The following TECTA variants were observed in gnomAD, a reference collection of about 807,000 sequenced individuals.
TECTA encodes alpha-tectorin.
TECTA carries 128 observed loss-of-function variants against 216.8 expected under a neutral mutation model. The observed-to-expected ratio is 0.59, with a 90% CI of 0.51 to 0.68. TECTA has a LOEUF of 0.68. TECTA is among the 30% of genes least tolerant of loss of function. The pLI is 0.00. For missense variants in TECTA, 2,551 were observed against 2,786.2 expected, an observed-to-expected ratio of 0.92 and a Z score of 1.90; for synonymous variants, 1,089 against 1,117.1, an observed-to-expected ratio of 0.97 and a Z score of 0.50.
chr11:121,155,556 G>T (rs1946932877), intron 13 of TECTA, among the ~76,000 whole-genome samples: 2 of 152,168 alleles, frequency 1.3e-5, no homozygotes, highest in South Asian at 4.1e-4. Context: ...ACTTGTTCTG[G>T]AAGATCTCCT....
intron 10 of TECTA, among the ~76,000 whole-genome samples, chr11:121,136,013 C>T (rs1946722712): frequency 6.6e-6 from 1 of 151,392 alleles, no homozygotes; most frequent in Non-Finnish European, 1.5e-5. Context: ...GGCTGGAGTA[C>T]AGTGGCGCAA....
In TECTA at chr11:121,138,039, T is replaced by C. The variant is rs761150870; in HGVS notation, c.3543+17T>C. The C allele has an allele frequency of 6.2e-7, 1 of 1,613,178 alleles. No homozygotes were observed. The highest frequency in any genetic ancestry group is 1.7e-5 in the Admixed American group (1 of 59,994). Reference sequence around the variant, plus strand: ...ACTGTGCTGGTGAGTAGTCATGAGGTCCCCTCAAAAGGGGAATCGTGGAGA... The same window carrying C: ...ACTGTGCTGGTGAGTAGTCATGAGGCCCCCTCAAAAGGGGAATCGTGGAGA... On this transcript the variant is annotated intron_variant, in intron 11 of 23. Coordinates refer to ENST00000392793, the MANE Select transcript of TECTA (RefSeq NM_005422.4).
At chr11:121,151,048 A>G (rs1946885181) in intron 12 of TECTA, among the ~76,000 whole-genome samples, 1 of 152,262 alleles carries the variant, frequency 6.6e-6, no homozygotes, top group Non-Finnish European at 1.5e-5. Flanking sequence ...AAAAAGACAT[A>G]TAAATGGATT....
chr11:121,104,352 G>T (rs1444870535), intron 2 of TECTA, among the ~76,000 whole-genome samples: 1 of 152,006 alleles, frequency 6.6e-6, no homozygotes, highest in Non-Finnish European at 1.5e-5. Context: ...ATTAAATACA[G>T]CTCATGGGCC....
At chr11:121,143,099 C>T (rs1946799726) in intron 11 of TECTA, among the ~76,000 whole-genome samples, 1 of 152,170 alleles carries the variant, frequency 6.6e-6, no homozygotes, top group African/African-American at 2.4e-5. Context: ...CCTCATCTTC[C>T]TACTTAAATT....
intron 13 of TECTA, among the ~76,000 whole-genome samples, chr11:121,156,087 T>C (rs626945): frequency 0.06 from 9,193 of 152,304 alleles, 945 homozygotes; most frequent in African/African-American, 0.21. Context: ...ATTTCTTGAG[T>C]GCCTATCCTA....
chr11:121,153,340 C>T (rs1338047723), intron 13 of TECTA, among the ~76,000 whole-genome samples: 1 of 152,190 alleles, frequency 6.6e-6, no homozygotes, highest in East Asian at 1.9e-4. Flanking sequence ...AGCACTCTGC[C>T]TCCCCTACTC....
intron 23 of TECTA, chr11:121,190,116 A>G (rs975956168): frequency 5.8e-6 from 3 of 520,942 alleles, no homozygotes; most frequent in African/African-American, 3.8e-5. Flanking sequence ...AAGGTAATTT[A>G]AAAAAACAAG....
intron 20 of TECTA, among the ~76,000 whole-genome samples, chr11:121,184,958 A>G (rs1304944590): frequency 6.6e-6 from 1 of 152,216 alleles, no homozygotes; most frequent in Non-Finnish European, 1.5e-5. Flanking sequence ...CTTTCGCAAC[A>G]TAAAAGGGTT....
chr11:121,158,533 T>C (rs1277588298), intron 14 of TECTA, among the ~76,000 whole-genome samples: 2 of 152,220 alleles, frequency 1.3e-5, no homozygotes, highest in Non-Finnish European at 2.9e-5. Context: ...TTTACCCTGA[T>C]TGCTTTCCAA....
intron 12 of TECTA, chr11:121,146,388 A>G (rs534984940): frequency 1.9e-6 from 1 of 521,262 alleles, no homozygotes; most frequent in South Asian, 2.1e-5. Context: ...AGAGTATCAC[A>G]CATGGCACTT....
chr11:121,130,063 C>G lies in TECTA; in HGVS notation c.2793C>G (p.Asn931Lys). ...SSFLECHGVVNVTAYYRTCLF... is the reference protein window; with the variant it reads ...SSFLECHGVVKVTAYYRTCLF... ...TCCTGGAGTGCCATGGGGTGGTGAA[C>G]GTCACTGCCTATTACCGCACCTGCC... The change falls in exon 10 of 24, where the codon AAC becomes AAG. Residue 931 changes from asparagine (N) to lysine (K), a missense_variant. Transcript: ENST00000392793. The G allele has an allele frequency of 6.2e-7, 1 of 1,614,112 alleles. No individual in the cohort carries two copies. The highest frequency in any genetic ancestry group is 8.5e-7 in the Non-Finnish European group (1 of 1,179,994).
chr11:121,157,170 G>T (rs1472962237), intron 13 of TECTA, among the ~76,000 whole-genome samples: 8 of 152,194 alleles, frequency 5.3e-5, no homozygotes, highest in Non-Finnish European at 1.2e-4. Flanking sequence ...GTCTGTACTT[G>T]TTAGAAGTGT....
At chr11:121,151,868 A>G (rs541961791) in intron 12 of TECTA, among the ~76,000 whole-genome samples, 1 of 152,364 alleles carries the variant, frequency 6.6e-6, no homozygotes, top group East Asian at 1.9e-4. Context: ...ACATAATGGT[A>G]GCTGTGCTTT....
At chr11:121,155,441 A>G (rs970116723) in intron 13 of TECTA, among the ~76,000 whole-genome samples, 8 of 152,230 alleles carry the variant, frequency 5.3e-5, no homozygotes, top group African/African-American at 1.7e-4. Flanking sequence ...CACCCAGAAT[A>G]TGTTACATAA....
chr11:121,169,977 G>A (rs1042690563), intron 20 of TECTA, among the ~76,000 whole-genome samples: 3 of 152,110 alleles, frequency 2.0e-5, no homozygotes, highest in Admixed American at 1.3e-4. Context: ...CTAAATGCAC[G>A]TTTGTAGCCA....
At chr11:121,133,954 C>T (rs1470376752) in intron 10 of TECTA, among the ~76,000 whole-genome samples, 1 of 152,184 alleles carries the variant, frequency 6.6e-6, no homozygotes, top group East Asian at 1.9e-4. Context: ...TCTTATCAAT[C>T]TGGACATGGA....
At position 121,105,057 on chromosome 11, in the gene TECTA, G is replaced by A. The variant is rs570992457; in HGVS notation, c.65-774G>A. Among the ~76,000 whole-genome samples the A allele has an allele frequency of 3.0e-4, 45 of 152,254 alleles. No individual in the cohort carries two copies. The highest frequency in any genetic ancestry group is 1.1e-3 in the Admixed American group (17 of 15,296). On this transcript the variant is annotated intron_variant, in intron 2 of 23. Transcript: ENST00000392793. The surrounding 1 kb of genome is among the most constrained non-coding windows in gnomAD (Gnocchi z 5.3). ...AGCCACATCTTGCAACAGTATGGACGGGAAACCTGGGAGCAGCAAGCCAGG... is the reference window on the plus strand; with the variant it reads ...AGCCACATCTTGCAACAGTATGGACAGGAAACCTGGGAGCAGCAAGCCAGG...
chr11:121,118,827 C>T, intron 7 of TECTA, 109 bp downstream of exon 7: 1 of 1,395,132 alleles, frequency 7.2e-7, no homozygotes, highest in Non-Finnish European at 1.0e-6. Context: ...TGTACAGTGC[C>T]AAAGAGATGC....
Sources: gnomAD v4.1 joint callset for allele counts (sites outside exome capture counted in the v4.1 genomes callset) on GRCh38, gnomAD v4.1.1 for gene constraint, Gnocchi (gnomAD v3.1) non-coding constraint, MANE v1.5 for transcripts, NCBI Gene and HGNC (gene_info 2026-07-23, HGNC 2026-07-21) for gene names.